DYNC1I1: variants seen among roughly 807,000 people sequenced by gnomAD.
DYNC1I1 encodes the protein dynein cytoplasmic 1 intermediate chain 1.
A neutral mutation model predicts 86.6 loss-of-function variants in DYNC1I1; 43 were observed. The observed-to-expected ratio is 0.50, with a 90% confidence interval of 0.39 to 0.64. The LOEUF is 0.64. DYNC1I1 is among the 30% of genes least tolerant of loss of function. The pLI, the probability that DYNC1I1 is intolerant of heterozygous loss-of-function variation, is 0.00. For missense variants in DYNC1I1, 604 were observed against 788.8 expected (o/e 0.77, Z 2.81); for synonymous variants, 262 against 283.7 (o/e 0.92, Z 0.77).
rs200848691 is a variant in DYNC1I1, at chr7:95,833,981, G to A, written c.374+5865G>A. 8.8e-3 allele frequency among the ~76,000 whole-genome samples: 811 copies of A among 91,654 alleles called. 42 individuals carry two copies. The highest frequency in any genetic ancestry group is 0.048 in the East Asian group (125 of 2,626). 60.1% of individuals were successfully genotyped at this position (91,654 alleles called of 152,430 possible). On this transcript the variant is annotated intron_variant, in intron 5 of 16. Transcript: ENST00000447467. ...CTTTATTTCCTTGTCCTGCCTAATT[G>A]CCCTGGCCAGAACTTCCAACACTAT... is the stretch of plus-strand genomic sequence containing the variant.
intron 6 of DYNC1I1, among the ~76,000 whole-genome samples, chr7:95,940,783 C>A (rs1368736589): frequency 2.0e-5 from 3 of 152,212 alleles, no homozygotes; most frequent in Non-Finnish European, 4.4e-5. Flanking sequence ...TCATCTGAAG[C>A]CTTCTTCTCT....
At chr7:96,052,893 C>A (rs1220745228) in intron 14 of DYNC1I1, among the ~76,000 whole-genome samples, 1 of 152,124 alleles carries the variant, frequency 6.6e-6, no homozygotes, top group Non-Finnish European at 1.5e-5. Context: ...GTCATGTAGA[C>A]TGAAGGTGGG....
downstream of DYNC1I1, chr7:96,110,310 A>C (rs1791293515): frequency 5.3e-6 from 1 of 188,386 alleles, no homozygotes; most frequent in Admixed American, 6.1e-5. Flanking sequence ...CCTTTTTCTT[A>C]AATCTACTTT....
chr7:95,971,726 C>T (rs751969583), intron 6 of DYNC1I1, among the ~76,000 whole-genome samples: 12 of 152,254 alleles, frequency 7.9e-5, no homozygotes, highest in Middle Eastern at 3.4e-3. Flanking sequence ...TAGCAGTAAT[C>T]GTCTTTCTCA....
In DYNC1I1 at chr7:96,080,492, C is replaced by T. The variant is rs374486666; in HGVS notation, c.1776+4C>T. The T allele has an allele frequency of 2.1e-4, 335 of 1,613,902 alleles. No homozygotes were observed. The highest frequency in any genetic ancestry group is 2.7e-4 in the Non-Finnish European group (317 of 1,180,002). ...TTGGGTCTATGACGTTGGAGAGGTA[C>T]GTGTGTATTTGTGTTGTTGTTACTG... On this transcript the variant is annotated splice_donor_region_variant and intron_variant, in intron 16 of 16. Transcript: ENST00000447467.
intron 16 of DYNC1I1, among the ~76,000 whole-genome samples, chr7:96,096,158 T>G (rs1790998775): frequency 6.6e-6 from 1 of 152,146 alleles, no homozygotes; most frequent in Admixed American, 6.6e-5. Flanking sequence ...CTTTGCACAA[T>G]GAAGTTGCCA....
At chr7:95,956,393 TTTTA>T (rs1445423184) in intron 6 of DYNC1I1, among the ~76,000 whole-genome samples, 1 of 148,610 alleles carries the variant, frequency 6.7e-6, no homozygotes, top group African/African-American at 2.6e-5. Context: ...TTTTTTTTTT[TTTTA>T]TTATACTTTA....
At chr7:96,068,613 A>C (rs1790066050) in intron 14 of DYNC1I1, among the ~76,000 whole-genome samples, 1 of 152,174 alleles carries the variant, frequency 6.6e-6, no homozygotes, top group Non-Finnish European at 1.5e-5. Flanking sequence ...AAAAACATAA[A>C]ATCTTCTAAA....
In DYNC1I1 at chr7:95,854,859, G is replaced by A. The variant is rs1203578285; in HGVS notation, c.375-15024G>A. 4.6e-5 allele frequency among the ~76,000 whole-genome samples: 7 copies of A among 152,246 alleles called. 1 individual carries two copies. Among genetic ancestry groups the A allele is most frequent in the African/African-American group, 1.7e-4 (7 of 41,560 alleles). On this transcript the variant is annotated intron_variant, in intron 5 of 16. Coordinates refer to ENST00000447467, the MANE Select transcript of DYNC1I1 (RefSeq NM_001135556.2). Reference sequence around the variant, plus strand: ...AAAATGGAAGTGAGGTACAGAAACAGATGAATTGGCTATAGCTCAGCATGC... The same window carrying A: ...AAAATGGAAGTGAGGTACAGAAACAAATGAATTGGCTATAGCTCAGCATGC...
intron 6 of DYNC1I1, among the ~76,000 whole-genome samples, chr7:95,956,514 C>G (rs1792718501): frequency 6.6e-6 from 1 of 151,838 alleles, no homozygotes; most frequent in African/African-American, 2.4e-5. Flanking sequence ...GTTATTTCTC[C>G]TAATGCTATC....
At chr7:95,842,167 TACTGTTGC>T (rs1351963338) in intron 5 of DYNC1I1, among the ~76,000 whole-genome samples, 1 of 152,310 alleles carries the variant, frequency 6.6e-6, no homozygotes, top group East Asian at 1.9e-4. Flanking sequence ...CAGCTTTTCT[TACTGTTGC>T]ACCCGAGCGA....
Position 96,098,001 on chromosome 7 carries a change from G to A in DYNC1I1, c.*408G>A. On this transcript the variant is annotated 3_prime_UTR_variant, in exon 17 of 17. Transcript: ENST00000447467. Reference sequence around the variant, plus strand: ...TGGTGTTCCTCATATTATGGTACAGGGCCAAAGACTTGAGACGTGGTGTTT... The same window carrying A: ...TGGTGTTCCTCATATTATGGTACAGAGCCAAAGACTTGAGACGTGGTGTTT... The A allele has an allele frequency of 1.0e-6, 1 of 994,072 alleles. No homozygotes were observed. The highest frequency in any genetic ancestry group is 1.2e-6 in the Non-Finnish European group (1 of 834,878). The allele number at this position is 994,072 out of a possible 1,614,324, so 61.6% of individuals were successfully genotyped here.
rs144103646 is a variant in DYNC1I1, at chr7:96,037,179, A to T, written c.1364+1427A>T. Reference sequence around the variant, plus strand: ...AAACAAGCAGTATTTGTCCCCTCACATGATTCAAAGATGACTTAGGAAGAT... The same window carrying T: ...AAACAAGCAGTATTTGTCCCCTCACTTGATTCAAAGATGACTTAGGAAGAT... On this transcript the variant is annotated intron_variant, in intron 13 of 16. Transcript: ENST00000447467. Among the ~76,000 whole-genome samples the T allele has an allele frequency of 2.0e-3, 306 of 152,310 alleles. 1 individual carries two copies. The Middle Eastern group carries it at 0.02, about 10-fold the overall frequency.
chr7:95,959,594 G>C (rs1298981894), intron 6 of DYNC1I1, among the ~76,000 whole-genome samples: 1 of 152,164 alleles, frequency 6.6e-6, no homozygotes, highest in African/African-American at 2.4e-5. Context: ...AGATTAGTTT[G>C]GGGAAGAGAA....
intron 6 of DYNC1I1, among the ~76,000 whole-genome samples, chr7:95,903,452 A>T (rs1011481591): frequency 1.3e-5 from 2 of 152,204 alleles, no homozygotes; most frequent in African/African-American, 2.4e-5. Context: ...ACAGTAATCC[A>T]TGCCAAGGAC....
At chr7:96,089,445 G>T (rs1439403186) in intron 16 of DYNC1I1, among the ~76,000 whole-genome samples, 1 of 152,062 alleles carries the variant, frequency 6.6e-6, no homozygotes, top group Non-Finnish European at 1.5e-5. Flanking sequence ...GAGCATTCAG[G>T]ATGTAGCCTC....
At chr7:96,107,982 T>G (rs1791244487) in intron 16 of DYNC1I1, among the ~76,000 whole-genome samples, 1 of 151,904 alleles carries the variant, frequency 6.6e-6, no homozygotes, top group Non-Finnish European at 1.5e-5. Flanking sequence ...CCCTTGTATG[T>G]GATGAGTTGC....
intron 12 of DYNC1I1, among the ~76,000 whole-genome samples, chr7:96,034,593 A>C (rs946212528): frequency 1.3e-5 from 2 of 152,154 alleles, no homozygotes; most frequent in Non-Finnish European, 2.9e-5. Context: ...TGCTAATTTT[A>C]GTGATGAAGC....
At chr7:95,880,632 T>A (rs1460077617) in intron 6 of DYNC1I1, among the ~76,000 whole-genome samples, 1 of 137,566 alleles carries the variant, frequency 7.3e-6, no homozygotes, top group Non-Finnish European at 1.5e-5. Flanking sequence ...ATAACCTACA[T>A]CTTCTTACTT....
Sources: gnomAD v4.1 joint callset for allele counts (sites outside exome capture counted in the v4.1 genomes callset) on GRCh38, gnomAD v4.1.1 for gene constraint, MANE v1.5 for transcripts, NCBI Gene and HGNC (gene_info 2026-07-23, HGNC 2026-07-21) for gene names.